PRKCE: variants seen among roughly 807,000 people sequenced by gnomAD.
PRKCE encodes protein kinase C epsilon, also known as protein kinase C epsilon type.
In PRKCE, 16 loss-of-function variants were observed where a neutral mutation model predicts 85.4. That is an observed-to-expected ratio of 0.19 (90% CI 0.13 to 0.28). The LOEUF is 0.28. Among genes scored for constraint, PRKCE ranks in the 10% least tolerant of loss-of-function variants. The pLI is 1.00. For synonymous variants in PRKCE, 388 were observed against 371.5 expected, an observed-to-expected ratio of 1.04 and a Z score of -0.51; for missense variants, 573 against 975.2, an observed-to-expected ratio of 0.59 and a Z score of 5.49.
intron 1 of PRKCE, among the ~76,000 whole-genome samples, chr2:45,745,312 C>T (rs1263337387): frequency 6.6e-6 from 1 of 152,142 alleles, no homozygotes; most frequent in Non-Finnish European, 1.5e-5. Flanking sequence ...CCCTGACAGG[C>T]CCACCCCAAC....
chr2:46,115,147 T>C (rs1342585431), intron 11 of PRKCE, among the ~76,000 whole-genome samples: 1 of 152,182 alleles, frequency 6.6e-6, no homozygotes. Context: ...TGGCAGCTTC[T>C]CTTTGGATTA....
chr2:46,117,821 A>G (rs1321770496), intron 11 of PRKCE, among the ~76,000 whole-genome samples: 1 of 152,202 alleles, frequency 6.6e-6, no homozygotes, highest in Admixed American at 6.5e-5. Context: ...GGTACATAGT[A>G]GGTAATCACT....
At chr2:45,862,246 C>T (rs1402829905) in intron 2 of PRKCE, among the ~76,000 whole-genome samples, 1 of 151,658 alleles carries the variant, frequency 6.6e-6, no homozygotes. Flanking sequence ...AAATCTGTTA[C>T]TCTGAATTCT....
Position 46,159,869 on chromosome 2 carries a change from A to G in PRKCE, c.2067+117A>G, listed in dbSNP as rs1442302015. On this transcript the variant is annotated intron_variant, in intron 14 of 14. Coordinates refer to ENST00000306156, the MANE Select transcript of PRKCE (RefSeq NM_005400.3). This position sits in a 1 kb window ranked among gnomAD's most constrained non-coding sequence, Gnocchi z 4.1. Reference sequence around the variant, plus strand: ...GATGCGTATTACAGTAAAAATGACAAAGACCAGAGGTGGCTGAGGCTCTCC... The same window carrying G: ...GATGCGTATTACAGTAAAAATGACAGAGACCAGAGGTGGCTGAGGCTCTCC... 7 of 1,361,960 alleles carry G rather than the reference A, an allele frequency of 5.1e-6. No individual in the cohort carries two copies. The highest frequency in any genetic ancestry group is 6.0e-6 in the Non-Finnish European group (6 of 999,762). 84.4% of individuals were successfully genotyped at this position (1,361,960 alleles called of 1,614,324 possible).
chr2:45,817,083 GT>G (rs1689116115), intron 1 of PRKCE, among the ~76,000 whole-genome samples: 1 of 150,728 alleles, frequency 6.6e-6, no homozygotes, highest in Non-Finnish European at 1.5e-5. Context: ...GTGTGTGTGT[GT>G]GTGTGTGTGT....
intron 13 of PRKCE, among the ~76,000 whole-genome samples, chr2:46,157,494 C>A (rs1477734145): frequency 6.6e-6 from 1 of 152,182 alleles, no homozygotes; most frequent in African/African-American, 2.4e-5. Context: ...AAACTGCCTG[C>A]AATGCACAGG....
intron 11 of PRKCE, among the ~76,000 whole-genome samples, chr2:46,130,476 C>T (rs1674323136): frequency 6.6e-6 from 1 of 152,140 alleles, no homozygotes; most frequent in South Asian, 2.1e-4. Context: ...AGTCTCACAA[C>T]ACATGTTAAT....
intron 1 of PRKCE, among the ~76,000 whole-genome samples, chr2:45,794,898 C>T (rs938940953): frequency 2.2e-5 from 3 of 136,842 alleles, no homozygotes; most frequent in African/African-American, 8.3e-5. Flanking sequence ...AGAAACTGAA[C>T]CTCAAACAAG....
At chr2:45,791,730 C>T (rs533948225) in intron 1 of PRKCE, among the ~76,000 whole-genome samples, 3 of 152,306 alleles carry the variant, frequency 2.0e-5, no homozygotes, top group East Asian at 1.9e-4. Context: ...TGGGTTAATG[C>T]GCTCCTCTCT....
intron 1 of PRKCE, among the ~76,000 whole-genome samples, chr2:45,738,024 C>G (rs1333898977): frequency 6.6e-6 from 1 of 152,090 alleles, no homozygotes; most frequent in East Asian, 1.9e-4. Flanking sequence ...TGACAGCCTC[C>G]TATGCCAGCG....
chr2:46,106,480 A>T (rs960260706), intron 11 of PRKCE, among the ~76,000 whole-genome samples: 1 of 152,248 alleles, frequency 6.6e-6, no homozygotes, highest in African/African-American at 2.4e-5. Flanking sequence ...AAAATACCAC[A>T]AACTGGGTGG....
chr2:45,849,992 GA>G (rs1257330311), intron 2 of PRKCE, among the ~76,000 whole-genome samples: 1 of 152,190 alleles, frequency 6.6e-6, no homozygotes, highest in East Asian at 1.9e-4. Context: ...ATGTCACAAA[GA>G]GACATCGCTA....
chr2:45,890,765 A>G (rs1695664990), intron 2 of PRKCE, among the ~76,000 whole-genome samples: 1 of 152,236 alleles, frequency 6.6e-6, no homozygotes, highest in South Asian at 2.1e-4. Flanking sequence ...GAATAAATTC[A>G]GATAGCTCTA....
At chr2:46,107,671 T>C (rs1321525574) in intron 11 of PRKCE, among the ~76,000 whole-genome samples, 2 of 152,256 alleles carry the variant, frequency 1.3e-5, no homozygotes, top group Non-Finnish European at 2.9e-5. Flanking sequence ...TTTGCATTTC[T>C]ATCAACAGTG....
intron 6 of PRKCE, among the ~76,000 whole-genome samples, chr2:45,994,247 G>A (rs1266510359): frequency 6.6e-6 from 1 of 152,074 alleles, no homozygotes; most frequent in East Asian, 1.9e-4. Flanking sequence ...ATTCTGCAAC[G>A]GAGTGGTATA....
chr2:46,117,416 C>A (rs1672881718), intron 11 of PRKCE, among the ~76,000 whole-genome samples: 1 of 152,106 alleles, frequency 6.6e-6, no homozygotes, highest in Admixed American at 6.5e-5. Flanking sequence ...TAATGTAAGC[C>A]TGTAAAGGAA....
At chr2:45,925,893 T>C (rs1161625153) in intron 2 of PRKCE, among the ~76,000 whole-genome samples, 2 of 152,182 alleles carry the variant, frequency 1.3e-5, no homozygotes, top group African/African-American at 2.4e-5. Flanking sequence ...AGATAAAATA[T>C]TGGGGTAGTC....
rs977046287 is a variant in PRKCE, at chr2:46,138,471, C to G, written c.1593-6622C>G. ...CATGTGGGTTGAGGATGCCAATTAG[C>G]AGGGTTGGTAGAGTCAGGATTCCCA... On this transcript the variant is annotated intron_variant, in intron 11 of 14. Coordinates refer to ENST00000306156, the MANE Select transcript of PRKCE (RefSeq NM_005400.3). This position sits in a 1 kb window ranked among gnomAD's most constrained non-coding sequence, Gnocchi z 4.2. Among the ~76,000 whole-genome samples the G allele has an allele frequency of 1.3e-5, 2 of 152,176 alleles. No individual in the cohort carries two copies. The highest frequency in any genetic ancestry group is 2.9e-5 in the Non-Finnish European group (2 of 68,038).
At chr2:46,039,739 C>T (rs867437676) in intron 10 of PRKCE, among the ~76,000 whole-genome samples, 2 of 152,136 alleles carry the variant, frequency 1.3e-5, no homozygotes, top group African/African-American at 4.8e-5. Flanking sequence ...TTCAGGATGA[C>T]GATATTGACA....
Sources: allele counts gnomAD v4.1 joint callset (sites outside exome capture counted in the v4.1 genomes callset), GRCh38; gene constraint gnomAD v4.1.1; non-coding constraint Gnocchi (gnomAD v3.1); transcripts MANE v1.5; gene names NCBI Gene and HGNC (gene_info 2026-07-23, HGNC 2026-07-21).